Variants in COL1A1 observed in about 807,000 individuals in gnomAD.
COL1A1 encodes collagen alpha-1(I) chain.
Under a neutral mutation model 195.7 loss-of-function variants are expected in COL1A1, and 21 were observed. The ratio of observed to expected loss-of-function variants is 0.11; its 90% CI spans 0.08 to 0.15. COL1A1 has a LOEUF of 0.15. Ranked by LOEUF, COL1A1 falls within the 10% of genes least tolerant of loss-of-function variation. The probability of loss-of-function intolerance (pLI) is 1.00; values close to 1 mark genes in which losing one functional copy is unlikely to be tolerated. For missense variants in COL1A1, 1,365 were observed against 2,051.0 expected, an observed-to-expected ratio of 0.67 and a Z score of 6.46; for synonymous variants, 749 against 747.3, an observed-to-expected ratio of 1.00 and a Z score of -0.04.
intron 25 of COL1A1, 141 bp downstream of exon 25, chr17:50,193,802 A>T (rs1230147921): frequency 1.8e-5 from 14 of 786,582 alleles, no homozygotes; most frequent in Non-Finnish European, 2.9e-5. Flanking sequence ...CATTTTACAG[A>T]TAGGGAGGCT....
chr17:50,192,879 G>A, intron 26 of COL1A1, 29 bp from the exon 27 acceptor site: 2 of 1,613,840 alleles, frequency 1.2e-6, no homozygotes, highest in Non-Finnish European at 1.7e-6. Flanking sequence ...GGGGAACTCA[G>A]GGTTAGGAGG....
rs2144571197 is a variant in COL1A1, at chr17:50,194,404, T to C, written c.1559A>G (p.Lys520Arg). 1.9e-6 allele frequency: 3 copies of C among 1,613,832 alleles called. No homozygotes were observed. Among genetic ancestry groups the C allele is most frequent in the Admixed American group, 3.3e-5 (2 of 60,000 alleles). ...ACGACCAGCTTCACCAGGAGATCCT[T>C]TGGGGCCAGCAGGGCCAGGAGAACC... Reference protein sequence around the residue: ...ERGSPGPAGPKGSPGEAGRPG... With the variant: ...ERGSPGPAGPRGSPGEAGRPG... Residue 520 changes from lysine (K) to arginine (R), a missense_variant, in exon 23 of 51, where the codon AAA (lysine) becomes AGA (arginine). Physicochemically the swap from Lys to Arg is conservative, Grantham distance 26 (BLOSUM62 2). Transcript: ENST00000225964. The surrounding 1 kb of genome is among the most constrained non-coding windows in gnomAD (Gnocchi z 6.8).
rs993093927 is a variant in COL1A1, at chr17:50,188,811, G to A, written c.3046-16C>T. ...CAGGAGCCCCCTGCAGAGAGAGAGA[G>A]AGAGAAGTGAGAGTCAGCCGGGGAA... On this transcript the variant is annotated splice_polypyrimidine_tract_variant and intron_variant, in intron 41 of 50. Transcript: ENST00000225964. The surrounding 1 kb of genome is among the most constrained non-coding windows in gnomAD (Gnocchi z 5.6). The A allele has an allele frequency of 1.2e-6, 2 of 1,613,904 alleles. No homozygotes were observed. Among genetic ancestry groups the A allele is most frequent in the Non-Finnish European group, 1.7e-6 (2 of 1,179,832 alleles).
At chr17:50,196,274 C>T (rs937545014) in intron 14 of COL1A1, 40 bp downstream of exon 14, 2 of 1,609,356 alleles carry the variant, frequency 1.2e-6, no homozygotes, top group Non-Finnish European at 8.5e-7. Flanking sequence ...GGAGCCCCTT[C>T]CAGAGCTCAG....
intron 9 of COL1A1, among the ~76,000 whole-genome samples, 162 bp from the exon 10 acceptor site, chr17:50,197,395 A>G (rs535736033): frequency 6.6e-6 from 1 of 152,342 alleles, no homozygotes; most frequent in Non-Finnish European, 1.5e-5. Flanking sequence ...TCTACAGTGA[A>G]ACCTTCGTTT....
chr17:50,189,464 G>A lies in COL1A1; in HGVS notation c.2742C>T (p.Gly914=), dbSNP rs2144550341. ...CAACTTCACCAGGACGTCCAGCAGG[G>A]CCAGTCTCACCACGGGGACCTTTGC... ...EGGKGPRGET[G]PAGRPGEVGP... Residue 914 remains glycine (G), a synonymous_variant, in exon 39 of 51, where the codon GGC becomes GGT. Transcript: ENST00000225964. This position sits in a 1 kb window ranked among gnomAD's most constrained non-coding sequence, Gnocchi z 5.5. 6.2e-7 allele frequency: 1 copy of A among 1,613,618 alleles called. No individual in the cohort carries two copies. The highest frequency in any genetic ancestry group is 8.5e-7 in the Non-Finnish European group (1 of 1,179,872).
At chr17:50,197,905 G>A in intron 8 of COL1A1, 44 bp downstream of exon 8, 1 of 1,604,884 alleles carries the variant, frequency 6.2e-7, no homozygotes, top group Non-Finnish European at 8.5e-7. Flanking sequence ...AGGAGAGTCT[G>A]TGTGTTTGTA....
intron 1 of COL1A1, among the ~76,000 whole-genome samples, chr17:50,200,966 G>C (rs373694833): frequency 2.4e-4 from 36 of 152,186 alleles, no homozygotes; most frequent in Non-Finnish European, 2.9e-5. Context: ...CCCCCTCCGC[G>C]GCTGCCCAGC....
chr17:50,199,805 G>A lies in COL1A1; in HGVS notation c.246C>T (p.Pro82=). 22 of 1,613,958 alleles carry A rather than the reference G, an allele frequency of 1.4e-5. No homozygotes were observed. The highest frequency in any genetic ancestry group is 1.9e-5 in the Non-Finnish European group (22 of 1,179,992). The change falls in exon 2 of 51, where the codon CCC becomes CCT. Residue 82 remains proline (P), a synonymous_variant. Transcript: ENST00000225964. ...ACTCGCCCTCGGGGACTTCGGCGCC[G>A]GGGCAGTTCTTGGTCTCGTCACAGA... is the stretch of plus-strand genomic sequence containing the variant. ...DVICDETKNC[P]GAEVPEGECC...
chr17:50,200,206 C>A (rs976386704), intron 1 of COL1A1: 10 of 546,272 alleles, frequency 1.8e-5, no homozygotes, highest in Admixed American at 3.1e-5. Flanking sequence ...GCTTCCAACT[C>A]CAACCTCAGC....
intron 6 of COL1A1, 32 bp downstream of exon 6, chr17:50,198,401 T>G: frequency 6.2e-7 from 1 of 1,608,516 alleles, no homozygotes; most frequent in Non-Finnish European, 8.5e-7. Context: ...CCATTCTCTC[T>G]TCTGTCATCC....
At chr17:50,200,081 C>G (rs1205829026) in intron 1 of COL1A1, 134 bp from the exon 2 acceptor site, 1 of 1,017,854 alleles carries the variant, frequency 9.8e-7, no homozygotes, top group East Asian at 2.5e-5. Flanking sequence ...TCCTCAAATC[C>G]TTAAAAGCTC....
In COL1A1 at chr17:50,194,726, C is replaced by T. The variant is rs1171968124; in HGVS notation, c.1456G>A (p.Glu486Lys). Residue 486 changes from glutamate to lysine, a missense_variant, in exon 21 of 51, where the codon GAG becomes AAG. Physicochemically the swap from Glu to Lys is moderately conservative, Grantham distance 56. Around this residue, in one of 5 missense-constraint regions of COL1A1, gnomAD observed 671 missense variants for 1,099.9 expected, o/e 0.61. Transcript: ENST00000225964. The surrounding 1 kb of genome is among the most constrained non-coding windows in gnomAD (Gnocchi z 6.8). The stretch of plus-strand genomic sequence containing the variant: ...GGGCGGGCAGGGACACTTACACGCT[C>T]GCCAGGGGGTCCGGGCAGGCCAGTG... ...GPTGLPGPPG[E>K]RGGPGSRGFP... 1 of 1,566,704 alleles carries T rather than the reference C, an allele frequency of 6.4e-7. No individual in the cohort carries two copies. The highest frequency in any genetic ancestry group is 8.7e-7 in the Non-Finnish European group (1 of 1,155,264).
chr17:50,196,430 A>G, intron 13 of COL1A1, 54 bp downstream of exon 13: 1 of 1,614,096 alleles, frequency 6.2e-7, no homozygotes, highest in Admixed American at 1.7e-5. Flanking sequence ...CCAGGCCTCC[A>G]TCTTGCCCCT....
In COL1A1 at chr17:50,186,429, G is replaced by A; in HGVS notation, c.3893C>T (p.Thr1298Ile). 1 of 1,614,208 alleles carries A rather than the reference G, an allele frequency of 6.2e-7. No homozygotes were observed. Reference protein sequence around the residue: ...KVFCNMETGETCVYPTQPSVA... With the variant: ...KVFCNMETGEICVYPTQPSVA... ...ACTGGGCTGAGTGGGGTACACGCAG[G>A]TCTCACCAGTCTCCATGTTGCAGAA... Residue 1298 changes from threonine (T) to isoleucine (I), a missense_variant, in exon 49 of 51, where the codon ACC becomes ATC. Thr to Ile is a moderately conservative substitution (Grantham distance 89). Coordinates refer to ENST00000225964, the MANE Select transcript of COL1A1 (RefSeq NM_000088.4). The surrounding 1 kb of genome is among the most constrained non-coding windows in gnomAD (Gnocchi z 5.3).
In COL1A1 at chr17:50,189,199, T is replaced by C. The variant is rs1906845686; in HGVS notation, c.2906A>G (p.Glu969Gly). 2 of 1,613,032 alleles carry C rather than the reference T, an allele frequency of 1.2e-6. No homozygotes were observed. The highest frequency in any genetic ancestry group is 3.3e-5 in the Admixed American group (2 of 59,962). ...GCCAGGAAGACCAGGGAAGCCTCTC[T>C]CTCCTCTCTGACCAGGCAGGCCGAC... ...GVVGLPGQRG[E>G]RGFPGLPGPS... Residue 969 changes from glutamate to glycine, a missense_variant, in exon 40 of 51, where the codon GAG (glutamate) becomes GGG (glycine). Physicochemically the swap from Glu to Gly is moderately conservative, Grantham distance 98. Around this residue, in one of 5 missense-constraint regions of COL1A1, gnomAD observed 671 missense variants for 1,099.9 expected, o/e 0.61. Coordinates refer to ENST00000225964, the MANE Select transcript of COL1A1 (RefSeq NM_000088.4). The surrounding 1 kb of genome is among the most constrained non-coding windows in gnomAD (Gnocchi z 5.5).
rs1008732854 is a variant in COL1A1, at chr17:50,195,807, G to A, written c.1056+116C>T. 33 of 1,361,870 alleles carry A rather than the reference G, an allele frequency of 2.4e-5. No individual in the cohort carries two copies. In the Middle Eastern group the frequency reaches 6.2e-4, roughly 26 times the overall value. The allele number at this position is 1,361,870 out of a possible 1,614,324, so 84.4% of individuals were successfully genotyped here. ...CAGAGACGGAGAACCCAGGACAAAG[G>A]TGTTAGTGAACGGGCTGCTCTCTTG... On this transcript the variant is annotated intron_variant, in intron 16 of 50. Transcript: ENST00000225964. This position sits in a 1 kb window ranked among gnomAD's most constrained non-coding sequence, Gnocchi z 4.3.
intron 2 of COL1A1, 63 bp downstream of exon 2, chr17:50,199,690 C>T (rs1005532328): frequency 1.3e-6 from 2 of 1,585,278 alleles, no homozygotes; most frequent in African/African-American, 3.1e-5. Context: ...CCGACCACCC[C>T]CAGCCCCAGC....
intron 10 of COL1A1, 35 bp downstream of exon 10, chr17:50,197,145 G>A (rs1464195140): frequency 6.2e-7 from 1 of 1,614,050 alleles, no homozygotes; most frequent in Admixed American, 1.7e-5. Context: ...CCCAAGTGCA[G>A]TGAAGCCCAG....
Sources: gnomAD v4.1 joint callset for allele counts (sites outside exome capture counted in the v4.1 genomes callset) on GRCh38, gnomAD v4.1.1 for gene constraint, gnomAD v4.1.1 regional missense constraint, Gnocchi (gnomAD v3.1) non-coding constraint, MANE v1.5 for transcripts, NCBI Gene and HGNC (gene_info 2026-07-23, HGNC 2026-07-21) for gene names.